Variants in MFHAS1 observed in about 807,000 individuals in gnomAD.
The protein encoded by MFHAS1 is malignant fibrous histiocytoma-amplified sequence 1.
MFHAS1 carries 50 observed loss-of-function variants against 70.4 expected under a neutral mutation model. The observed-to-expected ratio is 0.71, with a 90% CI of 0.57 to 0.90. The LOEUF (loss-of-function observed/expected upper bound fraction) is 0.90. MFHAS1 is among the 40% of genes least tolerant of loss of function. MFHAS1 has a pLI of 0.00. For missense variants in MFHAS1, 1,795 were observed against 1,347.6 expected, an observed-to-expected ratio of 1.33 and a Z score of -5.20; for synonymous variants, 952 against 620.0, an observed-to-expected ratio of 1.54 and a Z score of -7.96.
intron 1 of MFHAS1, among the ~76,000 whole-genome samples, chr8:8,856,840 C>T (rs534151407): frequency 5.3e-5 from 8 of 152,094 alleles, no homozygotes; most frequent in South Asian, 4.2e-4. Flanking sequence ...TTGCTGCACA[C>T]GGGAAACCTT....
chr8:8,849,527 G>A (rs1808163702), intron 1 of MFHAS1, among the ~76,000 whole-genome samples: 1 of 152,188 alleles, frequency 6.6e-6, no homozygotes, highest in South Asian at 2.1e-4. Context: ...TAAGAAACGT[G>A]GGGTTATTAT....
chr8:8,855,032 G>C (rs1808384429), intron 1 of MFHAS1, among the ~76,000 whole-genome samples: 1 of 152,086 alleles, frequency 6.6e-6, no homozygotes, highest in South Asian at 2.1e-4. Flanking sequence ...ATCTCAGCCT[G>C]TCAAGAAGCT....
chr8:8,797,616 G>A (rs1380528553), intron 1 of MFHAS1, 125 bp from the exon 2 acceptor site: 5 of 1,107,380 alleles, frequency 4.5e-6, no homozygotes, highest in Admixed American at 2.7e-5. Context: ...AACGAAGGAT[G>A]TGAGAACAAA....
chr8:8,878,642 T>C (rs1314185593), intron 1 of MFHAS1, among the ~76,000 whole-genome samples: 1 of 151,270 alleles, frequency 6.6e-6, no homozygotes, highest in Admixed American at 6.6e-5. Context: ...TTCCATTGCG[T>C]TTTTAAAAAT....
chr8:8,847,670 C>T (rs11249895), intron 1 of MFHAS1, among the ~76,000 whole-genome samples: 23,278 of 152,132 alleles, frequency 0.15, 1,833 homozygotes, highest in South Asian at 0.18. Flanking sequence ...TCATGACAGA[C>T]GTATAAAACA....
At chr8:8,849,064 CTTTTTTTTTTTTTTTTTT>C (rs145250762) in intron 1 of MFHAS1, among the ~76,000 whole-genome samples, 3 of 75,804 alleles carry the variant, frequency 4.0e-5, no homozygotes, top group East Asian at 9.5e-4. Context: ...TCCTTTTTAC[CTTTTTTTTTTTTTTTTTT>C]TTTTTTTTTT....
At chr8:8,863,354 T>C (rs777391664) in intron 1 of MFHAS1, among the ~76,000 whole-genome samples, 10 of 152,210 alleles carry the variant, frequency 6.6e-5, no homozygotes, top group Admixed American at 5.9e-4. Context: ...CTGATGCTGT[T>C]ACTCCCTCCA....
intron 2 of MFHAS1, among the ~76,000 whole-genome samples, chr8:8,795,050 C>T (rs539633997): frequency 2.0e-5 from 3 of 152,282 alleles, no homozygotes; most frequent in African/African-American, 4.8e-5. Context: ...CGCACCTATT[C>T]GACGGCACTT....
intron 1 of MFHAS1, among the ~76,000 whole-genome samples, chr8:8,816,716 C>G (rs1344464356): frequency 6.6e-6 from 1 of 152,136 alleles, no homozygotes; most frequent in East Asian, 1.9e-4. Flanking sequence ...GTAGATGACA[C>G]TACCTACCAA....
chr8:8,838,746 A>G (rs1232171812), intron 1 of MFHAS1, among the ~76,000 whole-genome samples: 2 of 149,848 alleles, frequency 1.3e-5, no homozygotes, highest in Admixed American at 6.8e-5. Flanking sequence ...TGGGAGGCAG[A>G]GGTTGTAGTG....
chr8:8,884,564 T>A (rs376870401), intron 1 of MFHAS1, among the ~76,000 whole-genome samples: 1 of 152,180 alleles, frequency 6.6e-6, no homozygotes, highest in African/African-American at 2.4e-5. Flanking sequence ...ATGGGAATGC[T>A]GGAGGAACAC....
chr8:8,884,041 A>AAC (rs10660555), intron 1 of MFHAS1, among the ~76,000 whole-genome samples: 63,351 of 132,408 alleles, frequency 0.48, 15,428 homozygotes, highest in Non-Finnish European at 0.55. Context: ...CTATTTCACA[A>AAC]ACACACACAC....
At chr8:8,796,682 T>A in intron 2 of MFHAS1, among the ~76,000 whole-genome samples, 1 of 5,000 alleles carries the variant, frequency 2.0e-4, no homozygotes, top group African/African-American at 5.7e-4. Flanking sequence ...AGACTCCGTC[T>A]CAAAACAAAA....
intron 1 of MFHAS1, among the ~76,000 whole-genome samples, chr8:8,824,554 C>A (rs1370064438): frequency 1.0e-5 from 1 of 95,526 alleles, no homozygotes; most frequent in Non-Finnish European, 2.4e-5. Flanking sequence ...CACACACACA[C>A]ACACACACAC....
chr8:8,796,555 GC>G (rs1805902255), intron 2 of MFHAS1, among the ~76,000 whole-genome samples: 1 of 148,882 alleles, frequency 6.7e-6, no homozygotes, highest in African/African-American at 2.5e-5. Context: ...GCGGTGGCGG[GC>G]GCCTGTAGTC....
At chr8:8,795,764 A>C (rs1316413449) in intron 2 of MFHAS1, among the ~76,000 whole-genome samples, 1 of 152,242 alleles carries the variant, frequency 6.6e-6, no homozygotes, top group Non-Finnish European at 1.5e-5. Context: ...GATGCCTGTC[A>C]CACTGCCTGG....
chr8:8,884,754 G>C (rs929363063), intron 1 of MFHAS1, among the ~76,000 whole-genome samples: 7 of 152,158 alleles, frequency 4.6e-5, no homozygotes, highest in African/African-American at 1.7e-4. Flanking sequence ...TTTGAGACCA[G>C]CCTGAGCAAC....
At chr8:8,834,938 C>G (rs1807543310) in intron 1 of MFHAS1, among the ~76,000 whole-genome samples, 1 of 152,186 alleles carries the variant, frequency 6.6e-6, no homozygotes, top group Non-Finnish European at 1.5e-5. Flanking sequence ...AATGAGTTCT[C>G]TGGATCTAAT....
intron 1 of MFHAS1, among the ~76,000 whole-genome samples, chr8:8,881,842 G>A (rs1010475442): frequency 3.3e-5 from 5 of 149,876 alleles, no homozygotes; most frequent in African/African-American, 1.2e-4. Flanking sequence ...AAAGAAAGCA[G>A]CAGCCAGTGA....
Sources: allele counts gnomAD v4.1 joint callset (sites outside exome capture counted in the v4.1 genomes callset), GRCh38; gene constraint gnomAD v4.1.1; transcripts MANE v1.5; gene names NCBI Gene and HGNC (gene_info 2026-07-23, HGNC 2026-07-21).